The following FSTL5 variants were observed in gnomAD, a reference collection of about 807,000 sequenced individuals.
FSTL5 encodes follistatin like 5.
A neutral mutation model predicts 89.1 loss-of-function variants in FSTL5; 62 were observed. The observed-to-expected ratio is 0.70, with a 90% CI of 0.57 to 0.86. FSTL5 has a LOEUF of 0.86. Among genes scored for constraint, FSTL5 ranks in the 40% least tolerant of loss-of-function variants. The probability of loss-of-function intolerance (pLI) is 0.00; values close to 1 mark genes in which losing one functional copy is unlikely to be tolerated. For missense variants in FSTL5, 1,057 were observed against 1,001.6 expected (o/e 1.06, Z -0.75); for synonymous variants, 383 against 346.2 (o/e 1.11, Z -1.18).
At chr4:161,749,812 T>TAA (rs1182931732) in intron 6 of FSTL5, among the ~76,000 whole-genome samples, 3 of 150,596 alleles carry the variant, frequency 2.0e-5, no homozygotes, top group Non-Finnish European at 4.4e-5. Context: ...AAAATAAAAA[T>TAA]AAATAAATAA....
chr4:161,401,684 C>T (rs1452581238), intron 15 of FSTL5, among the ~76,000 whole-genome samples: 4 of 151,954 alleles, frequency 2.6e-5, no homozygotes, highest in African/African-American at 9.7e-5. Context: ...GCCACCATGC[C>T]CGGCTAATTT....
chr4:161,705,895 A>C (rs1187735374), intron 6 of FSTL5, among the ~76,000 whole-genome samples: 1 of 138,042 alleles, frequency 7.2e-6, no homozygotes, highest in Non-Finnish European at 1.6e-5. Context: ...CTGGGTGACA[A>C]AGTGAGAGCT....
At chr4:161,558,740 G>A (rs1350970166) in intron 8 of FSTL5, among the ~76,000 whole-genome samples, 1 of 151,818 alleles carries the variant, frequency 6.6e-6, no homozygotes, top group African/African-American at 2.4e-5. Flanking sequence ...AGTAAAAATA[G>A]CATGCTTCCT....
At chr4:161,889,496 T>C (rs192148827) in intron 4 of FSTL5, among the ~76,000 whole-genome samples, 1 of 152,066 alleles carries the variant, frequency 6.6e-6, no homozygotes, top group East Asian at 1.9e-4. Context: ...ACACAAAAAT[T>C]TGCTAGGTGT....
At chr4:162,152,623 TTC>T (rs1490382021) in intron 1 of FSTL5, among the ~76,000 whole-genome samples, 1 of 152,118 alleles carries the variant, frequency 6.6e-6, no homozygotes, top group Non-Finnish European at 1.5e-5. Flanking sequence ...TTGTAAGCAT[TTC>T]TCTTTCCCTA....
intron 4 of FSTL5, among the ~76,000 whole-genome samples, chr4:161,810,325 C>T (rs1047066314): frequency 6.6e-6 from 1 of 151,758 alleles, no homozygotes; most frequent in Non-Finnish European, 1.5e-5. Context: ...TGTAATACTA[C>T]TAATATTTCA....
chr4:161,497,616 T>C (rs1426763934), intron 12 of FSTL5, among the ~76,000 whole-genome samples: 1 of 145,408 alleles, frequency 6.9e-6, no homozygotes, highest in South Asian at 2.3e-4. Flanking sequence ...TTATAAACTT[T>C]TTAATATAGT....
chr4:162,127,514 A>G (rs1001171249), intron 1 of FSTL5, among the ~76,000 whole-genome samples: 3 of 152,202 alleles, frequency 2.0e-5, no homozygotes, highest in African/African-American at 7.2e-5. Context: ...TAAGTTTCAC[A>G]GAAATACCAT....
chr4:162,154,345 A>C (rs1020178483), intron 1 of FSTL5, among the ~76,000 whole-genome samples: 1 of 152,198 alleles, frequency 6.6e-6, no homozygotes, highest in Non-Finnish European at 1.5e-5. Context: ...TATCCATAGC[A>C]TGTAAATCTT....
chr4:161,647,580 T>C (rs1303855515), intron 7 of FSTL5, among the ~76,000 whole-genome samples: 2 of 151,978 alleles, frequency 1.3e-5, no homozygotes, highest in African/African-American at 4.8e-5. Flanking sequence ...GTTTCAGTGA[T>C]GCAAGATAAA....
At chr4:162,126,260 G>T (rs970244276) in intron 1 of FSTL5, among the ~76,000 whole-genome samples, 1 of 151,810 alleles carries the variant, frequency 6.6e-6, no homozygotes, top group Non-Finnish European at 1.5e-5. Context: ...AACATGTCCC[G>T]TTCTTTGTAT....
rs72988806 is a variant in FSTL5 at position 162,152,281 on chromosome 4, T to A, written c.-17+11334A>T. Among the ~76,000 whole-genome samples the A allele has an allele frequency of 1.2e-3, 181 of 152,338 alleles. 1 individual carries two copies. Among genetic ancestry groups the A allele is most frequent in the African/African-American group, 4.2e-3 (174 of 41,596 alleles). On this transcript the variant is annotated intron_variant, in intron 1 of 15. Coordinates refer to ENST00000306100, the MANE Select transcript of FSTL5 (RefSeq NM_020116.5). ...TAGAAACTTTCTCTTCAGTTTTTAATGATTTTTACTCCAATTAATTATAGC... is the reference window on the plus strand; with the variant it reads ...TAGAAACTTTCTCTTCAGTTTTTAAAGATTTTTACTCCAATTAATTATAGC...
intron 7 of FSTL5, among the ~76,000 whole-genome samples, chr4:161,595,993 A>G (rs117530678): frequency 2.1e-4 from 32 of 152,106 alleles, no homozygotes; most frequent in Non-Finnish European, 3.8e-4. Context: ...TTTCTAGTGT[A>G]TGCATTTAAT....
chr4:161,440,042 C>G (rs924599241), intron 15 of FSTL5, among the ~76,000 whole-genome samples: 1 of 152,056 alleles, frequency 6.6e-6, no homozygotes, highest in African/African-American at 2.4e-5. Context: ...AACAATACAA[C>G]ATCTGATAAA....
At chr4:161,957,079 A>T (rs1247711331) in intron 3 of FSTL5, among the ~76,000 whole-genome samples, 1 of 152,032 alleles carries the variant, frequency 6.6e-6, no homozygotes, top group Non-Finnish European at 1.5e-5. Flanking sequence ...GCTAACAAAA[A>T]TAAATTAATT....
chr4:161,635,261 C>A lies in FSTL5; in HGVS notation c.894+21067G>T, dbSNP rs180682612. Among the ~76,000 whole-genome samples, 677 of 152,080 alleles carry A rather than the reference C, an allele frequency of 4.5e-3. 8 individuals are homozygous for A. The highest frequency in any genetic ancestry group is 7.6e-3 in the Non-Finnish European group (516 of 67,986). On this transcript the variant is annotated intron_variant, in intron 7 of 15. Transcript: ENST00000306100. ...AAAATTAGCCGGGCGTGGTGGCAGG[C>A]GCCTGTAATCCCAGTTACTCAGAAG... is the stretch of plus-strand genomic sequence containing the variant.
chr4:161,688,607 T>A (rs1262383896), intron 6 of FSTL5, among the ~76,000 whole-genome samples: 1 of 152,216 alleles, frequency 6.6e-6, no homozygotes, highest in East Asian at 1.9e-4. Flanking sequence ...TCACCATATC[T>A]TTAAAAAGTG....
chr4:161,976,005 C>T (rs965940319), intron 3 of FSTL5, among the ~76,000 whole-genome samples: 6 of 150,192 alleles, frequency 4.0e-5, no homozygotes, highest in African/African-American at 1.5e-4. Flanking sequence ...GTAGTCCCAG[C>T]TACTCGGGAG....
chr4:161,680,774 C>A (rs1737492496), intron 6 of FSTL5, among the ~76,000 whole-genome samples: 2 of 151,734 alleles, frequency 1.3e-5, no homozygotes, highest in South Asian at 2.1e-4. Context: ...TGTCAAGTAA[C>A]AAATTTATGA....
Sources: allele counts gnomAD v4.1 joint callset (sites outside exome capture counted in the v4.1 genomes callset), GRCh38; gene constraint gnomAD v4.1.1; transcripts MANE v1.5; gene names NCBI Gene and HGNC (gene_info 2026-07-23, HGNC 2026-07-21).